UNC5D: variants seen among roughly 807,000 people sequenced by gnomAD.
UNC5D encodes the protein unc-5 netrin receptor D.
In UNC5D, 39 loss-of-function variants were observed where a neutral mutation model predicts 105.4. The observed-to-expected ratio is 0.37, with a 90% CI of 0.29 to 0.48. UNC5D has a LOEUF of 0.48. Among genes scored for constraint, UNC5D ranks in the 20% least tolerant of loss-of-function variants. The pLI is 0.98. For missense variants in UNC5D, 991 were observed against 1,202.4 expected, an observed-to-expected ratio of 0.82 and a Z score of 2.60; for synonymous variants, 452 against 450.4, an observed-to-expected ratio of 1.00 and a Z score of -0.04.
intron 1 of UNC5D, among the ~76,000 whole-genome samples, chr8:35,484,428 C>G (rs528127229): frequency 4.1e-4 from 62 of 152,266 alleles, no homozygotes; most frequent in Middle Eastern, 3.4e-3. Context: ...TCTAATATAT[C>G]CCTATTTCCT....
chr8:35,379,757 G>A (rs1435475812), intron 1 of UNC5D, among the ~76,000 whole-genome samples: 1 of 152,070 alleles, frequency 6.6e-6, no homozygotes, highest in Non-Finnish European at 1.5e-5. Context: ...TTACACAAAG[G>A]TGTGTATGAG....
At chr8:35,508,972 A>G (rs1307191327) in intron 1 of UNC5D, among the ~76,000 whole-genome samples, 1 of 152,204 alleles carries the variant, frequency 6.6e-6, no homozygotes, top group Non-Finnish European at 1.5e-5. Flanking sequence ...ATTAATAGCT[A>G]AGGTCTAAGG....
rs532018529 is a variant in UNC5D, at chr8:35,726,413, A to T, written c.1565A>T (p.His522Leu). The change falls in exon 10 of 17, where the codon CAT (histidine) becomes CTT (leucine). Residue 522 changes from histidine (H) to leucine (L), a missense_variant. Around this residue, in one of 3 missense-constraint regions of UNC5D, gnomAD observed 944 missense variants for 1,131.6 expected, o/e 0.83. Coordinates refer to ENST00000404895, the MANE Select transcript of UNC5D (RefSeq NM_080872.4). ...AACAACCACAGCTTTAGTACAATGC[A>T]TCCCAGAAATAAAATGCCCTACATC... ...HGNNHSFSTM[H>L]PRNKMPYIQN... 2 of 1,614,196 alleles carry T rather than the reference A, an allele frequency of 1.2e-6. No homozygotes were observed. Among genetic ancestry groups the T allele is most frequent in the African/African-American group, 1.3e-5 (1 of 75,044 alleles).
chr8:35,738,701 G>A (rs1396180601), intron 11 of UNC5D, among the ~76,000 whole-genome samples: 1 of 152,176 alleles, frequency 6.6e-6, no homozygotes, highest in African/African-American at 2.4e-5. Context: ...CTAAACAGTA[G>A]ACTGTATGTG....
rs184175286 is a variant in UNC5D at position 35,728,177 on chromosome 8, T to C, written c.1681+1648T>C. Among the ~76,000 whole-genome samples the C allele has an allele frequency of 4.7e-3, 714 of 151,560 alleles. 4 individuals carry two copies. The highest frequency in any genetic ancestry group is 4.7e-3 in the Non-Finnish European group (320 of 67,966). On this transcript the variant is annotated intron_variant, in intron 10 of 16. Coordinates refer to ENST00000404895, the MANE Select transcript of UNC5D (RefSeq NM_080872.4). Reference sequence around the variant, plus strand: ...TTAAGTTATGCAATTATCTTATCTCTTTCTTGCTCATGCTTGGCACTTAGA... The same window carrying C: ...TTAAGTTATGCAATTATCTTATCTCCTTCTTGCTCATGCTTGGCACTTAGA...
intron 2 of UNC5D, among the ~76,000 whole-genome samples, chr8:35,556,855 C>G (rs1816587591): frequency 6.6e-6 from 1 of 152,212 alleles, no homozygotes; most frequent in Non-Finnish European, 1.5e-5. Context: ...TGTGGGAACA[C>G]AGCCCTGCAA....
intron 1 of UNC5D, among the ~76,000 whole-genome samples, chr8:35,473,677 A>G (rs1038468167): frequency 5.9e-5 from 9 of 152,178 alleles, no homozygotes; most frequent in East Asian, 1.9e-4. Context: ...TGATTACATT[A>G]TTATATTCCA....
At chr8:35,631,271 G>T (rs886610858) in intron 4 of UNC5D, among the ~76,000 whole-genome samples, 10 of 150,776 alleles carry the variant, frequency 6.6e-5, no homozygotes, top group African/African-American at 2.4e-4. Context: ...CCGAGATCAT[G>T]CCACTGCACT....
intron 1 of UNC5D, among the ~76,000 whole-genome samples, chr8:35,507,765 G>C (rs1299398895): frequency 6.6e-6 from 1 of 152,012 alleles, no homozygotes; most frequent in Admixed American, 6.6e-5. Flanking sequence ...GAGTATAATT[G>C]GATTGTTTGT....
At chr8:35,456,437 C>A (rs1808500347) in intron 1 of UNC5D, among the ~76,000 whole-genome samples, 1 of 152,178 alleles carries the variant, frequency 6.6e-6, no homozygotes, top group African/African-American at 2.4e-5. Context: ...AAGGTCACAA[C>A]AAGCCCCAAT....
intron 4 of UNC5D, among the ~76,000 whole-genome samples, chr8:35,630,242 A>C (rs769007118): frequency 2.6e-5 from 4 of 152,232 alleles, no homozygotes; most frequent in African/African-American, 4.8e-5. Flanking sequence ...ATATTTCAGC[A>C]ACTTGGGCCA....
intron 3 of UNC5D, among the ~76,000 whole-genome samples, chr8:35,588,080 T>C (rs1818911269): frequency 6.6e-6 from 1 of 150,950 alleles, no homozygotes; most frequent in African/African-American, 2.4e-5. Flanking sequence ...TGCATATGTA[T>C]GCAATTTGGT....
intron 1 of UNC5D, among the ~76,000 whole-genome samples, chr8:35,521,738 A>C (rs1033068470): frequency 1.3e-5 from 2 of 152,168 alleles, no homozygotes; most frequent in Non-Finnish European, 2.9e-5. Context: ...TTAGAAGATT[A>C]TTCTTCCTTC....
chr8:35,588,869 C>T (rs1818965536), intron 3 of UNC5D, among the ~76,000 whole-genome samples: 1 of 152,200 alleles, frequency 6.6e-6, no homozygotes, highest in East Asian at 1.9e-4. Flanking sequence ...GGCAAAACCC[C>T]GTCTCTACTA....
chr8:35,479,994 T>A (rs1243429746), intron 1 of UNC5D, among the ~76,000 whole-genome samples: 1 of 152,212 alleles, frequency 6.6e-6, no homozygotes, highest in African/African-American at 2.4e-5. Flanking sequence ...AATGCACCAC[T>A]AATGGACTTA....
At chr8:35,435,827 A>C (rs1399982663) in intron 1 of UNC5D, among the ~76,000 whole-genome samples, 1 of 152,082 alleles carries the variant, frequency 6.6e-6, no homozygotes, top group Non-Finnish European at 1.5e-5. Context: ...TGTCAAAGGC[A>C]GTCAACCTCT....
At chr8:35,525,742 A>G in intron 1 of UNC5D, 2 of 1,569,598 alleles carry the variant, frequency 1.3e-6, no homozygotes, top group Non-Finnish European at 1.7e-6. Context: ...ACGCTGAAGT[A>G]CTCGCCCGGA....
At chr8:35,432,722 G>T (rs934486716) in intron 1 of UNC5D, among the ~76,000 whole-genome samples, 85 of 152,036 alleles carry the variant, frequency 5.6e-4, no homozygotes, top group African/African-American at 2.0e-3. Flanking sequence ...TTACTTGCAC[G>T]GATATAATAT....
Position 35,482,793 on chromosome 8 carries a change from C to CTTTTTTTTT in UNC5D, c.104-66481_104-66473dup, listed in dbSNP as rs5890816. On this transcript the variant is annotated intron_variant, in intron 1 of 16. Coordinates refer to ENST00000404895, the MANE Select transcript of UNC5D (RefSeq NM_080872.4). The stretch of plus-strand genomic sequence containing the variant: ...TATATCAGTGTGTCATTAAAGAGAT[C>CTTTTTTTTT]TTTTTTTTTTTTTTTTTTTTTTTTT... 1.4e-4 allele frequency among the ~76,000 whole-genome samples: 11 copies of CTTTTTTTTT among 78,146 alleles called. 1 individual carries two copies. Among genetic ancestry groups the CTTTTTTTTT allele is most frequent in the African/African-American group, 2.2e-4 (4 of 18,232 alleles). The allele number at this position is 78,146 out of a possible 152,430, so 51.3% of individuals were successfully genotyped here. A position where few individuals can be genotyped will look rare whatever the true frequency, so the allele number is the denominator to read the frequency against.
Sources: gnomAD v4.1 joint callset for allele counts (sites outside exome capture counted in the v4.1 genomes callset) on GRCh38, gnomAD v4.1.1 for gene constraint, gnomAD v4.1.1 regional missense constraint, MANE v1.5 for transcripts, NCBI Gene and HGNC (gene_info 2026-07-23, HGNC 2026-07-21) for gene names.